The following CARMIL1 variants were observed in gnomAD, a reference collection of about 807,000 sequenced individuals.
CARMIL1 encodes the protein capping protein regulator and myosin 1 linker 1, also known as F-actin-uncapping protein LRRC16A.
In CARMIL1, 90 loss-of-function variants were observed where a neutral mutation model predicts 177.1. That is an observed-to-expected ratio of 0.51 (90% confidence interval 0.43 to 0.61). CARMIL1 has a LOEUF of 0.61. CARMIL1 is among the 20% of genes least tolerant of loss of function. CARMIL1 has a pLI of 0.00. For missense variants in CARMIL1, 1,380 were observed against 1,667.0 expected (o/e 0.83, Z 3.00); for synonymous variants, 577 against 606.2 (o/e 0.95, Z 0.71).
At chr6:25,561,584 T>C (rs572616572) in intron 29 of CARMIL1, among the ~76,000 whole-genome samples, 1 of 152,334 alleles carries the variant, frequency 6.6e-6, no homozygotes, top group East Asian at 1.9e-4. Flanking sequence ...AATTTCAGTA[T>C]ATATTTTTTA....
Position 25,336,997 on chromosome 6 carries a change from C to T in CARMIL1, c.138+52088C>T, listed in dbSNP as rs146686580. Among the ~76,000 whole-genome samples the T allele has an allele frequency of 9.9e-4, 150 of 152,204 alleles. No homozygotes were observed. The East Asian group carries it at 0.022, about 23-fold the overall frequency. The stretch of plus-strand genomic sequence containing the variant: ...GCACAGTTGCCCTTTAAAAAGACAG[C>T]GTATCAATTGAACATAAATATATTG... On this transcript the variant is annotated intron_variant, in intron 2 of 36. Coordinates refer to ENST00000329474, the MANE Select transcript of CARMIL1 (RefSeq NM_017640.6).
intron 29 of CARMIL1, among the ~76,000 whole-genome samples, chr6:25,557,194 A>G (rs1448616138): frequency 6.6e-6 from 1 of 152,204 alleles, no homozygotes; most frequent in Non-Finnish European, 1.5e-5. Context: ...TAAAAAATAT[A>G]TATAGGGTGA....
At chr6:25,336,088 T>C (rs1214173141) in intron 2 of CARMIL1, among the ~76,000 whole-genome samples, 2 of 151,992 alleles carry the variant, frequency 1.3e-5, no homozygotes, top group Non-Finnish European at 2.9e-5. Context: ...CCATCTTCCA[T>C]ATTTCCAGGA....
intron 2 of CARMIL1, among the ~76,000 whole-genome samples, chr6:25,375,154 T>A (rs553297471): frequency 1.3e-5 from 2 of 152,362 alleles, no homozygotes; most frequent in South Asian, 4.1e-4. Flanking sequence ...TCAAGATTAA[T>A]AACTCCTTTT....
intron 2 of CARMIL1, among the ~76,000 whole-genome samples, chr6:25,394,130 G>A (rs760478943): frequency 2.6e-5 from 4 of 152,050 alleles, no homozygotes; most frequent in Admixed American, 2.0e-4. Context: ...CCATCCCTCT[G>A]TCATTAGCCA....
At chr6:25,428,224 TTTGTC>T (rs973923026) in intron 4 of CARMIL1, among the ~76,000 whole-genome samples, 55 of 152,274 alleles carry the variant, frequency 3.6e-4, no homozygotes, top group African/African-American at 1.3e-3. Context: ...TTTTTTTTAG[TTTGTC>T]TTTTTTTTCT....
chr6:25,590,149 C>T (rs1241960011), intron 31 of CARMIL1, among the ~76,000 whole-genome samples: 2 of 152,182 alleles, frequency 1.3e-5, no homozygotes, highest in East Asian at 3.8e-4. Context: ...ACTAAATAGA[C>T]ACAAAGCAGT....
chr6:25,451,997 C>A lies in CARMIL1; in HGVS notation c.614+1286C>A, dbSNP rs558878929. ...ATCACTAGCATCTTGCCCCCCCCTC[C>A]CCCCCCCAGAATACTGTTTTGAATT... On this transcript the variant is annotated intron_variant, in intron 8 of 36. Transcript: ENST00000329474. The A allele has an allele frequency of 3.2e-5, 4 of 123,904 alleles. No homozygotes were observed. In the South Asian group the frequency reaches 7.7e-4, roughly 24 times the overall value. The allele number at this position is 123,904 out of a possible 1,614,324, so 7.7% of individuals were successfully genotyped here. A position where few individuals can be genotyped will look rare whatever the true frequency, so the allele number is the denominator to read the frequency against.
At chr6:25,459,277 T>TCTTTCTTTCTTTCTTTCTTTCTTTCTTCC (rs1450322009) in intron 8 of CARMIL1, among the ~76,000 whole-genome samples, 2 of 139,594 alleles carry the variant, frequency 1.4e-5, no homozygotes, top group Non-Finnish European at 3.1e-5. Context: ...TTTTTTTTTT[T>TCTTTCTTTCTTTCTTTCTTTCTTTCTTCC]TTTAAGACAG....
At chr6:25,489,097 G>A (rs1417796948) in intron 13 of CARMIL1, among the ~76,000 whole-genome samples, 5 of 152,052 alleles carry the variant, frequency 3.3e-5, no homozygotes, top group African/African-American at 4.8e-5. Context: ...CCCTGGAGGC[G>A]GAGGTTGTGG....
At chr6:25,475,956 C>G (rs886669080) in intron 11 of CARMIL1, among the ~76,000 whole-genome samples, 2 of 152,204 alleles carry the variant, frequency 1.3e-5, no homozygotes, top group African/African-American at 4.8e-5. Flanking sequence ...GCTTCAGCAC[C>G]TTGCTTCCTC....
At chr6:25,345,716 A>C (rs1787439325) in intron 2 of CARMIL1, among the ~76,000 whole-genome samples, 1 of 152,180 alleles carries the variant, frequency 6.6e-6, no homozygotes, top group Admixed American at 6.5e-5. Context: ...TCCCAGGTTC[A>C]TGCAGTTATT....
intron 4 of CARMIL1, among the ~76,000 whole-genome samples, chr6:25,431,745 G>T (rs914703417): frequency 1.3e-5 from 2 of 152,132 alleles, no homozygotes; most frequent in African/African-American, 4.8e-5. Flanking sequence ...TACCACACTT[G>T]TAGTCTTGCC....
intron 2 of CARMIL1, among the ~76,000 whole-genome samples, chr6:25,346,273 C>G (rs527484016): frequency 2.1e-4 from 32 of 152,278 alleles, no homozygotes; most frequent in Admixed American, 2.0e-3. Flanking sequence ...CTTGTTTCCC[C>G]CTCTGGTCTT....
chr6:25,356,053 T>C (rs1044283056), intron 2 of CARMIL1, among the ~76,000 whole-genome samples: 19 of 147,474 alleles, frequency 1.3e-4, no homozygotes, highest in Non-Finnish European at 1.7e-4. Flanking sequence ...AAGACTTCTT[T>C]TTTTTTTTTT....
chr6:25,373,604 G>C (rs1440414407), intron 2 of CARMIL1, among the ~76,000 whole-genome samples: 1 of 95,356 alleles, frequency 1.0e-5, no homozygotes, highest in Admixed American at 1.1e-4. Context: ...TTTTTTTTTT[G>C]ACAGAGTCTC....
intron 17 of CARMIL1, among the ~76,000 whole-genome samples, chr6:25,508,007 A>G (rs184892541): frequency 2.6e-5 from 4 of 152,322 alleles, no homozygotes; most frequent in Admixed American, 2.6e-4. Context: ...AAATATTTAG[A>G]AAGACATAGA....
chr6:25,344,279 A>G (rs890730935), intron 2 of CARMIL1, among the ~76,000 whole-genome samples: 2 of 152,072 alleles, frequency 1.3e-5, no homozygotes, highest in Admixed American at 6.6e-5. Context: ...CATTGAATCC[A>G]TCACGTCTTC....
chr6:25,473,840 G>T lies in CARMIL1; in HGVS notation c.874+1319G>T, dbSNP rs115547265. Among the ~76,000 whole-genome samples, 1,324 of 152,322 alleles carry T rather than the reference G, an allele frequency of 8.7e-3. 15 individuals are homozygous for T. The highest frequency in any genetic ancestry group is 0.024 in the South Asian group (116 of 4,830). On this transcript the variant is annotated intron_variant, in intron 11 of 36. Transcript: ENST00000329474. ...TTTTAATATTTAACAAGATTTGAGT[G>T]TGAGAATAGGGAAAGGATGAAGGAC...
Sources: allele counts gnomAD v4.1 joint callset (sites outside exome capture counted in the v4.1 genomes callset), GRCh38; gene constraint gnomAD v4.1.1; transcripts MANE v1.5; gene names NCBI Gene and HGNC (gene_info 2026-07-23, HGNC 2026-07-21).